The following SNX16 variants were observed in gnomAD, a reference collection of about 807,000 sequenced individuals.
SNX16 encodes sorting nexin-16.
SNX16 carries 35 observed loss-of-function variants against 36.7 expected under a neutral mutation model. The ratio of observed to expected loss-of-function variants is 0.95; its 90% CI spans 0.73 to 1.27. The LOEUF (loss-of-function observed/expected upper bound fraction) is 1.27, where lower values mean the gene tolerates loss of function less well. SNX16 is among the 50% of genes most tolerant of loss of function. The probability of loss-of-function intolerance (pLI) is 0.00; values close to 1 mark genes in which losing one functional copy is unlikely to be tolerated. For missense variants in SNX16, 367 were observed against 393.6 expected (o/e 0.93, Z 0.57); for synonymous variants, 134 against 132.0 (o/e 1.02, Z -0.10).
chr8:81,817,579 T>C (rs1810550771), intron 4 of SNX16, among the ~76,000 whole-genome samples: 1 of 152,194 alleles, frequency 6.6e-6, no homozygotes, highest in South Asian at 2.1e-4. Flanking sequence ...CAGAATAAAA[T>C]TTGAAACTGG....
intron 2 of SNX16, among the ~76,000 whole-genome samples, chr8:81,829,945 A>C (rs1811178419): frequency 6.6e-6 from 1 of 152,150 alleles, no homozygotes; most frequent in African/African-American, 2.4e-5. Context: ...TAAAATATGG[A>C]AGTCCTAGCC....
intron 4 of SNX16, among the ~76,000 whole-genome samples, chr8:81,822,933 TATATATAC>T (rs1423548772): frequency 1.0e-5 from 1 of 98,700 alleles, no homozygotes; most frequent in East Asian, 2.2e-4. Flanking sequence ...TGTGTATATA[TATATATAC>T]ATATACATAT....
At chr8:81,807,518 CAAAAAAAAAAAA>C (rs71268027) in intron 5 of SNX16, among the ~76,000 whole-genome samples, 7 of 49,326 alleles carry the variant, frequency 1.4e-4, no homozygotes, top group East Asian at 4.9e-3. Context: ...GACTCTGTCT[CAAAAAAAAAAAA>C]AAAAAAAAAA....
At position 81,802,482 on chromosome 8, in the gene SNX16, G is replaced by T; in HGVS notation, c.836C>A (p.Pro279His). The change falls in exon 7 of 8, where the codon CCT (proline) becomes CAT (histidine). Residue 279 changes from proline (P) to histidine (H), a missense_variant. Transcript: ENST00000345957. ...TTCTGACACATCCAGTGATTCTTCA[G>T]GTTCTAAAGACAATGTTCTAAAAGT... ...ENRIRTLSLE[P>H]EESLDVSETE... 5.0e-6 allele frequency: 8 copies of T among 1,607,750 alleles called. No individual in the cohort carries two copies. Among genetic ancestry groups the T allele is most frequent in the Non-Finnish European group, 6.8e-6 (8 of 1,176,596 alleles).
intron 5 of SNX16, among the ~76,000 whole-genome samples, chr8:81,813,242 A>G (rs1242012176): frequency 6.6e-6 from 1 of 151,904 alleles, no homozygotes; most frequent in Non-Finnish European, 1.5e-5. Flanking sequence ...GCAGTAAACA[A>G]GACAGTATCA....
chr8:81,808,486 G>A, intron 5 of SNX16: 1 of 963,734 alleles, frequency 1.0e-6, no homozygotes. Context: ...GGATATGGTG[G>A]CAGTGGGGAT....
intron 2 of SNX16, among the ~76,000 whole-genome samples, chr8:81,833,963 G>A (rs975129561): frequency 4.6e-5 from 7 of 152,124 alleles, no homozygotes; most frequent in Admixed American, 1.3e-4. Flanking sequence ...TACAAAAAGT[G>A]TGCAATTCAT....
At chr8:81,806,535 C>A (rs1809955582) in intron 5 of SNX16, among the ~76,000 whole-genome samples, 1 of 151,946 alleles carries the variant, frequency 6.6e-6, no homozygotes. Flanking sequence ...ATAAACAAAT[C>A]AACATAACTC....
At chr8:81,837,043 A>T (rs889121170) in intron 2 of SNX16, among the ~76,000 whole-genome samples, 1 of 152,170 alleles carries the variant, frequency 6.6e-6, no homozygotes, top group Non-Finnish European at 1.5e-5. Context: ...TGTTAGCACT[A>T]ACATCTTTTT....
chr8:81,815,140 C>G, intron 5 of SNX16, 185 bp downstream of exon 5: 1 of 344,206 alleles, frequency 2.9e-6, no homozygotes, highest in East Asian at 4.3e-5. Flanking sequence ...TACTTTTTCA[C>G]TGAGCTAAGT....
rs1325745789 is a variant in SNX16 at position 81,830,578 on chromosome 8, G to GT, written c.376-1063dup. On this transcript the variant is annotated intron_variant, in intron 2 of 7. Transcript: ENST00000345957. ...GACAGAGCAAGACTCCGTCTAGGGG[G>GT]TAAAAAAAAAAAAAAAAAAAAAAGA... Among the ~76,000 whole-genome samples the GT allele has an allele frequency of 2.5e-3, 254 of 102,144 alleles. 1 individual carries two copies. Among genetic ancestry groups the GT allele is most frequent in the Middle Eastern group, 0.01 (2 of 198 alleles). 67.0% of individuals were successfully genotyped at this position (102,144 alleles called of 152,430 possible).
chr8:81,817,279 G>A (rs1230554993), intron 4 of SNX16, among the ~76,000 whole-genome samples: 3 of 152,156 alleles, frequency 2.0e-5, no homozygotes, highest in South Asian at 4.2e-4. Context: ...TTACTCTACT[G>A]GACTGCTACT....
At chr8:81,829,064 A>G (rs1295225009) in intron 3 of SNX16, among the ~76,000 whole-genome samples, 1 of 152,168 alleles carries the variant, frequency 6.6e-6, no homozygotes, top group African/African-American at 2.4e-5. Flanking sequence ...TAAATAATAA[A>G]CAGGTGTTAA....
At chr8:81,820,442 T>C (rs982712895) in intron 4 of SNX16, among the ~76,000 whole-genome samples, 1 of 152,088 alleles carries the variant, frequency 6.6e-6, no homozygotes, top group Non-Finnish European at 1.5e-5. Flanking sequence ...TAGTCTGTGA[T>C]ACATTTAGAA....
chr8:81,829,647 A>C (rs1486584708), intron 2 of SNX16, 131 bp from the exon 3 acceptor site: 1 of 381,562 alleles, frequency 2.6e-6, no homozygotes, highest in Non-Finnish European at 4.6e-6. Context: ...AAAAATATCA[A>C]AAATCATTTA....
chr8:81,824,465 T>TA (rs1810926576), intron 3 of SNX16, among the ~76,000 whole-genome samples: 1 of 152,116 alleles, frequency 6.6e-6, no homozygotes, highest in South Asian at 2.1e-4. Context: ...CAGAGCAGAT[T>TA]TTTTTTAATT....
intron 5 of SNX16, among the ~76,000 whole-genome samples, chr8:81,805,583 A>G (rs1055524014): frequency 3.9e-5 from 6 of 152,236 alleles, no homozygotes; most frequent in Non-Finnish European, 8.8e-5. Flanking sequence ...AAGTGGATAT[A>G]TAACTAAAGA....
intron 7 of SNX16, among the ~76,000 whole-genome samples, chr8:81,802,103 A>T (rs6987544): frequency 0.4 from 61,056 of 151,428 alleles, 13,035 homozygotes; most frequent in African/African-American, 0.49. Context: ...AAATTAGTTA[A>T]TTACCTGAGT....
chr8:81,808,287 C>T, intron 5 of SNX16: 1 of 1,151,452 alleles, frequency 8.7e-7, no homozygotes, highest in South Asian at 1.2e-5. Context: ...CCATGAATGG[C>T]CACAACTGTG....
Sources: allele counts gnomAD v4.1 joint callset (sites outside exome capture counted in the v4.1 genomes callset), GRCh38; gene constraint gnomAD v4.1.1; transcripts MANE v1.5; gene names NCBI Gene and HGNC (gene_info 2026-07-23, HGNC 2026-07-21).